Variants in KLF12 observed in about 807,000 individuals in gnomAD.
KLF12 encodes the protein KLF transcription factor 12.
Under a neutral mutation model 37.8 loss-of-function variants are expected in KLF12, and 9 were observed. The ratio of observed to expected loss-of-function variants is 0.24; its 90% confidence interval spans 0.14 to 0.42. The LOEUF (loss-of-function observed/expected upper bound fraction) is 0.42, where lower values mean the gene tolerates loss of function less well. Ranked by LOEUF, KLF12 falls within the 10% of genes least tolerant of loss-of-function variation. The pLI is 1.00. For missense variants in KLF12, 411 were observed against 516.0 expected (o/e 0.80, Z 1.97); for synonymous variants, 208 against 202.1 (o/e 1.03, Z -0.25).
intron 4 of KLF12, among the ~76,000 whole-genome samples, chr13:73,836,041 GA>G (rs60750362): frequency 0.029 from 4,021 of 139,016 alleles, 152 homozygotes; most frequent in African/African-American, 0.093. Flanking sequence ...ATTATTAAAA[GA>G]AAAAAAAAAA....
At chr13:73,807,330 A>G (rs1882700456) in intron 5 of KLF12, among the ~76,000 whole-genome samples, 2 of 151,866 alleles carry the variant, frequency 1.3e-5, no homozygotes, top group Admixed American at 6.6e-5. Context: ...AAATCATAAC[A>G]TTCAAAATAG....
At chr13:73,884,748 T>C (rs1160998791) in intron 3 of KLF12, among the ~76,000 whole-genome samples, 1 of 152,238 alleles carries the variant, frequency 6.6e-6, no homozygotes, top group East Asian at 1.9e-4. Context: ...TCTGAATTAA[T>C]GTAAATTTAA....
chr13:74,202,984 T>C, the KLF12 span, among the ~76,000 whole-genome samples: 4 of 152,228 alleles, frequency 2.6e-5, no homozygotes, highest in East Asian at 7.7e-4. Context: ...AGGAGGAAGG[T>C]ATTTGACTTA....
At chr13:73,834,204 T>C (rs1884312213) in intron 4 of KLF12, among the ~76,000 whole-genome samples, 1 of 152,176 alleles carries the variant, frequency 6.6e-6, no homozygotes, top group South Asian at 2.1e-4. Flanking sequence ...CCACATTATA[T>C]AAGCACCACA....
intron 3 of KLF12, among the ~76,000 whole-genome samples, chr13:73,875,149 A>T (rs953108991): frequency 1.7e-5 from 1 of 58,560 alleles, no homozygotes; most frequent in Non-Finnish European, 3.5e-5. Flanking sequence ...AAAGAACTTG[A>T]ACAGATTTAC....
chr13:73,765,043 T>C, intron 5 of KLF12, 43 bp from the exon 6 acceptor site: 1 of 1,189,180 alleles, frequency 8.4e-7, no homozygotes, highest in Non-Finnish European at 1.2e-6. Context: ...AAAAGCATAT[T>C]CCCAATTGCA....
chr13:74,088,665 G>C (rs1043517819), intron 1 of KLF12, among the ~76,000 whole-genome samples: 2 of 152,192 alleles, frequency 1.3e-5, no homozygotes, highest in African/African-American at 2.4e-5. Context: ...CTGGGGTTCT[G>C]AACATTTGGG....
intron 3 of KLF12, among the ~76,000 whole-genome samples, chr13:73,935,344 T>G (rs1046581424): frequency 6.6e-6 from 1 of 152,148 alleles, no homozygotes; most frequent in Admixed American, 6.6e-5. Flanking sequence ...TCTTCTGCAG[T>G]ATCTATTAAT....
chr13:73,908,269 T>C (rs1241679995), intron 3 of KLF12, among the ~76,000 whole-genome samples: 2 of 149,978 alleles, frequency 1.3e-5, no homozygotes, highest in East Asian at 2.0e-4. Context: ...GGCATGGTAG[T>C]GCGTGCCTGT....
chr13:73,706,727 G>T (rs1489137258), intron 7 of KLF12, among the ~76,000 whole-genome samples: 3 of 152,148 alleles, frequency 2.0e-5, no homozygotes, highest in African/African-American at 7.2e-5. Flanking sequence ...GCTCGCTCAG[G>T]GCTTTCCTAT....
intron 1 of KLF12, among the ~76,000 whole-genome samples, chr13:74,053,270 T>C (rs1873031546): frequency 6.6e-6 from 1 of 152,200 alleles, no homozygotes; most frequent in Admixed American, 6.5e-5. Flanking sequence ...ATCCTACACA[T>C]ACTTTATTTA....
At chr13:74,094,422 T>A (rs1159857475) in intron 1 of KLF12, among the ~76,000 whole-genome samples, 1 of 152,062 alleles carries the variant, frequency 6.6e-6, no homozygotes, top group African/African-American at 2.4e-5. Flanking sequence ...TTACATATCA[T>A]CATTTTCTTG....
the KLF12 span, among the ~76,000 whole-genome samples, chr13:74,217,506 A>T: frequency 6.6e-6 from 1 of 152,156 alleles, no homozygotes; most frequent in African/African-American, 2.4e-5. Context: ...AGGCAGGCAG[A>T]TCACGAGGTC....
At chr13:73,786,297 A>C (rs1430982605) in intron 5 of KLF12, among the ~76,000 whole-genome samples, 1 of 152,146 alleles carries the variant, frequency 6.6e-6, no homozygotes, top group African/African-American at 2.4e-5. Flanking sequence ...ATCAGCAACC[A>C]AGAACCCTAA....
rs1293694996 is a variant in KLF12, at chr13:74,079,033, A to T, written c.-32+54706T>A. ...AATATGCCTGCATCCCAGACTTGATATACGGTATTCTCTTCCCACAGTAGG... is the reference window on the plus strand; with the variant it reads ...AATATGCCTGCATCCCAGACTTGATTTACGGTATTCTCTTCCCACAGTAGG... On this transcript the variant is annotated intron_variant, in intron 1 of 7. Coordinates refer to ENST00000377669, the MANE Select transcript of KLF12 (RefSeq NM_007249.5). Among the ~76,000 whole-genome samples, 9 of 152,338 alleles carry T rather than the reference A, an allele frequency of 5.9e-5. No individual in the cohort carries two copies. In the East Asian group the frequency reaches 1.5e-3, roughly 26 times the overall value.
chr13:74,181,130 C>T, the KLF12 span, among the ~76,000 whole-genome samples: 1 of 152,040 alleles, frequency 6.6e-6, no homozygotes, highest in East Asian at 2.0e-4. Context: ...TCCCGAGTAG[C>T]TGGGATTACA....
At chr13:74,045,573 T>A (rs539875906) in intron 1 of KLF12, among the ~76,000 whole-genome samples, 1 of 151,356 alleles carries the variant, frequency 6.6e-6, no homozygotes, top group East Asian at 1.9e-4. Flanking sequence ...GTACAGTAGG[T>A]TCTCAGATAA....
chr13:74,273,042 C>G, the KLF12 span, among the ~76,000 whole-genome samples: 1 of 152,158 alleles, frequency 6.6e-6, no homozygotes, highest in Non-Finnish European at 1.5e-5. Context: ...CAAATGCCAT[C>G]TTCTTTTCCT....
At chr13:73,735,101 A>T (rs1309300935) in intron 6 of KLF12, among the ~76,000 whole-genome samples, 6 of 148,664 alleles carry the variant, frequency 4.0e-5, no homozygotes, top group African/African-American at 1.5e-4. Context: ...CAGCCTGGGC[A>T]ACATAGCAAG....
Sources: gnomAD v4.1 joint callset for allele counts (sites outside exome capture counted in the v4.1 genomes callset) on GRCh38, gnomAD v4.1.1 for gene constraint, MANE v1.5 for transcripts, NCBI Gene and HGNC (gene_info 2026-07-23, HGNC 2026-07-21) for gene names.